TBC1D21: variants seen among roughly 807,000 people sequenced by gnomAD.
TBC1D21 encodes the protein male germ cell Rab GTPase-activating protein.
A neutral mutation model predicts 46.0 loss-of-function variants in TBC1D21; 38 were observed. The observed-to-expected ratio is 0.83, with a 90% CI of 0.64 to 1.08. The LOEUF is 1.08. Among genes scored for constraint, TBC1D21 ranks in the 50% least tolerant of loss-of-function variants. The pLI, the probability that TBC1D21 is intolerant of heterozygous loss-of-function variation, is 0.00. For missense variants in TBC1D21, 415 were observed against 417.9 expected (o/e 0.99, Z 0.06); for synonymous variants, 151 against 157.2 (o/e 0.96, Z 0.29).
At chr15:73,896,733 G>A in the TBC1D21 span, among the ~76,000 whole-genome samples, 18 of 152,294 alleles carry the variant, frequency 1.2e-4, no homozygotes, top group African/African-American at 2.9e-4. Flanking sequence ...TGGCAGACTC[G>A]GTATGCACTC....
the TBC1D21 span, among the ~76,000 whole-genome samples, chr15:73,899,321 CAGGAAGCTGCCATCTGGTGCA>C: frequency 1.3e-5 from 2 of 152,148 alleles, no homozygotes; most frequent in Non-Finnish European, 2.9e-5. Context: ...CTCCCGCTCA[CAGGAAGCTGCCATCTGGTGCA>C]GTCCCTCTAG....
Position 73,886,594 on chromosome 15 carries a change from T to C in TBC1D21, c.759T>C (p.Asp253=). The stretch of plus-strand genomic sequence containing the variant: ...AGCGTGCCTTCAAGTCCTTCGATGA[T>C]GTCTGGAGGCTCTGGGAGGTGAGGT... ...CFQRAFKSFD[D]VWRLWEVLLT... The change falls in exon 8 of 11, where the codon GAT becomes GAC. Residue 253 remains aspartate, a synonymous_variant. Transcript: ENST00000300504. The C allele has an allele frequency of 1.9e-6, 3 of 1,613,540 alleles. No homozygotes were observed. Among genetic ancestry groups the C allele is most frequent in the Non-Finnish European group, 2.5e-6 (3 of 1,180,022 alleles).
At chr15:73,905,654 G>A in the TBC1D21 span, among the ~76,000 whole-genome samples, 1 of 152,206 alleles carries the variant, frequency 6.6e-6, no homozygotes, top group African/African-American at 2.4e-5. Flanking sequence ...CTACAAACCA[G>A]GGCATTTTTT....
chr15:73,885,627 A>G (rs1338161878), intron 6 of TBC1D21, among the ~76,000 whole-genome samples: 1 of 151,888 alleles, frequency 6.6e-6, no homozygotes, highest in Non-Finnish European at 1.5e-5. Flanking sequence ...GCCTTTCCTC[A>G]TGATCTGCGA....
At chr15:73,887,050 C>T (rs371029145) in intron 8 of TBC1D21, among the ~76,000 whole-genome samples, 2 of 152,208 alleles carry the variant, frequency 1.3e-5, no homozygotes, top group African/African-American at 4.8e-5. Flanking sequence ...CCTGTGACCA[C>T]AATCCTCAGG....
downstream of TBC1D21, among the ~76,000 whole-genome samples, chr15:73,889,506 C>G (rs944836104): frequency 6.6e-6 from 1 of 152,268 alleles, no homozygotes; most frequent in Non-Finnish European, 1.5e-5. Context: ...ATTAGTTCAT[C>G]TGGACTTAGG....
the TBC1D21 span, among the ~76,000 whole-genome samples, chr15:73,904,841 GAC>G: frequency 6.6e-6 from 1 of 152,284 alleles, no homozygotes; most frequent in East Asian, 1.9e-4. Context: ...GAGACATGGA[GAC>G]ACAGACAAAA....
At position 73,887,608 on chromosome 15, in the gene TBC1D21, C is replaced by A; in HGVS notation, c.778-12C>A. ...GACCACAGGGCCCAGACTGAGACGT[C>A]CTGACCCACAGGTTCTGCTGACGGG... is the stretch of plus-strand genomic sequence containing the variant. On this transcript the variant is annotated splice_polypyrimidine_tract_variant and intron_variant, in intron 8 of 10. Coordinates refer to ENST00000300504, the MANE Select transcript of TBC1D21 (RefSeq NM_153356.3). 6.2e-7 allele frequency: 1 copy of A among 1,613,232 alleles called. No homozygotes were observed. Among genetic ancestry groups the A allele is most frequent in the South Asian group, 1.1e-5 (1 of 91,048 alleles).
At chr15:73,907,760 T>G in the TBC1D21 span, among the ~76,000 whole-genome samples, 6 of 152,174 alleles carry the variant, frequency 3.9e-5, no homozygotes, top group African/African-American at 1.4e-4. Flanking sequence ...TTTTTTCAAG[T>G]GTAACACACT....
the TBC1D21 span, among the ~76,000 whole-genome samples, chr15:73,899,438 T>C: frequency 6.6e-6 from 1 of 152,286 alleles, no homozygotes; most frequent in East Asian, 1.9e-4. Flanking sequence ...CCAGAGCTCC[T>C]TGCCCTGGGC....
chr15:73,886,728 G>T, intron 8 of TBC1D21, 116 bp downstream of exon 8: 1 of 997,616 alleles, frequency 1.0e-6, no homozygotes, highest in Non-Finnish European at 1.5e-6. Context: ...TCAGTATCTC[G>T]GGGTTTTGTT....
the TBC1D21 span, among the ~76,000 whole-genome samples, chr15:73,899,088 A>G: frequency 6.6e-6 from 1 of 151,972 alleles, no homozygotes; most frequent in Non-Finnish European, 1.5e-5. Flanking sequence ...TGTGGCTAGC[A>G]GCTCCCATAT....
downstream of TBC1D21, among the ~76,000 whole-genome samples, chr15:73,893,903 C>T (rs528860736): frequency 5.5e-4 from 83 of 152,292 alleles, no homozygotes; most frequent in African/African-American, 1.9e-3. Context: ...GCACGTGACC[C>T]CTACCCTCAC....
chr15:73,906,238 A>G, the TBC1D21 span, among the ~76,000 whole-genome samples: 1 of 152,198 alleles, frequency 6.6e-6, no homozygotes, highest in East Asian at 1.9e-4. Flanking sequence ...TTGTGCTGCC[A>G]TCTTGAAGGA....
chr15:73,887,762 C>T (rs1349532538), intron 9 of TBC1D21, 26 bp downstream of exon 9: 1 of 1,594,660 alleles, frequency 6.3e-7, no homozygotes, highest in African/African-American at 1.3e-5. Flanking sequence ...GGCAAGCTAC[C>T]ACCCCTGCTC....
the TBC1D21 span, among the ~76,000 whole-genome samples, chr15:73,897,414 T>A: frequency 6.6e-6 from 1 of 152,236 alleles, no homozygotes; most frequent in African/African-American, 2.4e-5. Flanking sequence ...ACAGAAGTAG[T>A]CAGGTTCAGA....
At chr15:73,899,749 C>T in the TBC1D21 span, among the ~76,000 whole-genome samples, 1 of 152,160 alleles carries the variant, frequency 6.6e-6, no homozygotes, top group Non-Finnish European at 1.5e-5. Flanking sequence ...GGAAGGAATT[C>T]AGTGAGATCA....
Position 73,889,146 on chromosome 15 carries a change from T to C in TBC1D21, c.*45T>C. On this transcript the variant is annotated 3_prime_UTR_variant, in exon 11 of 11. Coordinates refer to ENST00000300504, the MANE Select transcript of TBC1D21 (RefSeq NM_153356.3). ...GGACTGATGCCTTCGATGGGCAGGATGAAGGCCAGGGGCACTGGAGTGAGG... is the reference window on the plus strand; with the variant it reads ...GGACTGATGCCTTCGATGGGCAGGACGAAGGCCAGGGGCACTGGAGTGAGG... 1 of 1,602,432 alleles carries C rather than the reference T, an allele frequency of 6.2e-7. No individual in the cohort carries two copies. Among genetic ancestry groups the C allele is most frequent in the Non-Finnish European group, 8.5e-7 (1 of 1,172,444 alleles).
At chr15:73,898,863 CAA>C in the TBC1D21 span, among the ~76,000 whole-genome samples, 731 of 24,042 alleles carry the variant, frequency 0.03, 16 homozygotes, top group African/African-American at 0.072. Context: ...GACTCCATCT[CAA>C]AAAAAAAAAA....
Sources: allele counts gnomAD v4.1 joint callset (sites outside exome capture counted in the v4.1 genomes callset), GRCh38; gene constraint gnomAD v4.1.1; transcripts MANE v1.5; gene names NCBI Gene and HGNC (gene_info 2026-07-23, HGNC 2026-07-21).